The following EPB41 variants were observed in gnomAD, a reference collection of about 807,000 sequenced individuals.
EPB41 encodes the protein erythrocyte membrane protein band 4.1.
In EPB41, 65 loss-of-function variants were observed where a neutral mutation model predicts 108.0. The ratio of observed to expected loss-of-function variants is 0.60; its 90% CI spans 0.49 to 0.74. The LOEUF is 0.74. EPB41 is among the 30% of genes least tolerant of loss of function. The probability of loss-of-function intolerance (pLI) is 0.00; values close to 1 mark genes in which losing one functional copy is unlikely to be tolerated. For synonymous variants in EPB41, 336 were observed against 358.9 expected (o/e 0.94, Z 0.72); for missense variants, 875 against 1,037.0 (o/e 0.84, Z 2.15).
chr1:28,974,956 G>A (rs555955052), intron 1 of EPB41, among the ~76,000 whole-genome samples: 26 of 152,120 alleles, frequency 1.7e-4, no homozygotes, highest in Non-Finnish European at 2.6e-4. Flanking sequence ...CACCACCCCT[G>A]GCTAATTTTG....
In EPB41 at chr1:29,097,850, C is replaced by T. The variant is rs776025421; in HGVS notation, c.2228C>T (p.Ala743Val). 5.6e-6 allele frequency: 9 copies of T among 1,613,748 alleles called. No individual in the cohort carries two copies. In the African/African-American group the frequency reaches 8.0e-5, roughly 14 times the overall value. The part of the protein sequence containing the change: ...KTQTVTISDN[A>V]NAVKSEIPTK... Reference sequence around the variant, plus strand: ...CAAACTGTCACCATCTCAGATAATGCCAATGCTGTGAAAAGTGAAATCCCA... The same window carrying T: ...CAAACTGTCACCATCTCAGATAATGTCAATGCTGTGAAAAGTGAAATCCCA... The change falls in exon 17 of 21, where the codon GCC becomes GTC. Residue 743 changes from alanine (A) to valine (V), a missense_variant. Coordinates refer to ENST00000343067, the MANE Select transcript of EPB41 (RefSeq NM_001376013.1).
intron 16 of EPB41, among the ~76,000 whole-genome samples, chr1:29,095,561 A>G (rs568247449): frequency 1.2e-4 from 19 of 152,322 alleles, no homozygotes; most frequent in East Asian, 9.6e-4. Context: ...ATGAGAGGCC[A>G]GGAGTTTGAG....
chr1:28,902,490 C>T (rs927188999), intron 1 of EPB41: 2 of 674,002 alleles, frequency 3.0e-6, no homozygotes, highest in African/African-American at 3.9e-5. Context: ...GGAGCAGCTT[C>T]CTCTGGAACT....
rs904517200 is a variant in EPB41, at chr1:29,100,928, C to CA, written c.2313+3004dup. ...TGGGCAACACACCAAGACCCTGTCTCAAAAAAAAAAAGAGGGCCGGGTGCA... is the reference window on the plus strand; with the variant it reads ...TGGGCAACACACCAAGACCCTGTCTCAAAAAAAAAAAAGAGGGCCGGGTGCA... On this transcript the variant is annotated intron_variant, in intron 17 of 20. Coordinates refer to ENST00000343067, the MANE Select transcript of EPB41 (RefSeq NM_001376013.1). Among the ~76,000 whole-genome samples, 759 of 138,070 alleles carry CA rather than the reference C, an allele frequency of 5.5e-3. 6 individuals are homozygous for CA. Among genetic ancestry groups the CA allele is most frequent in the African/African-American group, 0.017 (654 of 37,836 alleles). The allele number at this position is 138,070 out of a possible 152,430, so 90.6% of individuals were successfully genotyped here.
At chr1:28,960,609 G>A (rs2095169028) in intron 1 of EPB41, among the ~76,000 whole-genome samples, 1 of 151,424 alleles carries the variant, frequency 6.6e-6, no homozygotes, top group South Asian at 2.1e-4. Context: ...GCTTAGTGTG[G>A]TGATTTGCTC....
intron 1 of EPB41, among the ~76,000 whole-genome samples, chr1:28,959,391 A>G (rs1226016187): frequency 1.3e-5 from 2 of 151,550 alleles, no homozygotes; most frequent in East Asian, 1.9e-4. Context: ...TAATTTTTCT[A>G]TTTTTAGTAG....
intron 1 of EPB41, among the ~76,000 whole-genome samples, chr1:28,973,614 G>A (rs1183308736): frequency 6.6e-6 from 1 of 152,010 alleles, no homozygotes; most frequent in African/African-American, 2.4e-5. Context: ...AGGCTGGTTT[G>A]GAACTCCTAG....
At chr1:28,985,736 AG>A (rs771464264) in intron 1 of EPB41, 17 of 152,218 alleles carry the variant, frequency 1.1e-4, no homozygotes, top group Non-Finnish European at 2.2e-4. Flanking sequence ...TGGTGCTTAC[AG>A]CTAATTGATC....
chr1:29,027,758 A>T (rs2096739557), intron 7 of EPB41, among the ~76,000 whole-genome samples: 1 of 152,228 alleles, frequency 6.6e-6, no homozygotes, highest in African/African-American at 2.4e-5. Flanking sequence ...AAAAATTTTA[A>T]ATGCAAACAT....
chr1:29,081,084 G>T (rs1417260749), intron 16 of EPB41, among the ~76,000 whole-genome samples: 2 of 152,110 alleles, frequency 1.3e-5, no homozygotes, highest in African/African-American at 4.8e-5. Context: ...ACTCTTCTCT[G>T]TGGCCCAATA....
intron 16 of EPB41, among the ~76,000 whole-genome samples, chr1:29,085,791 A>G (rs1241935976): frequency 6.6e-6 from 1 of 152,136 alleles, no homozygotes; most frequent in Non-Finnish European, 1.5e-5. Context: ...GACTCAAGCA[A>G]TCTGCCCGCC....
At chr1:29,049,053 T>A (rs1284099076) in intron 11 of EPB41, among the ~76,000 whole-genome samples, 1 of 152,120 alleles carries the variant, frequency 6.6e-6, no homozygotes, top group Non-Finnish European at 1.5e-5. Context: ...TTTACAAGAA[T>A]TGCTTTATAA....
At chr1:29,101,169 A>AGCCAACATGGCGCCATTGCACTCT (rs1665246714) in intron 17 of EPB41, among the ~76,000 whole-genome samples, 1 of 152,032 alleles carries the variant, frequency 6.6e-6, no homozygotes, top group Admixed American at 6.5e-5. Context: ...GGTTGCAGTG[A>AGCCAACATGGCGCCATTGCACTCT]GCCAACATGG....
intron 1 of EPB41, among the ~76,000 whole-genome samples, chr1:28,921,721 A>G (rs2093086007): frequency 6.6e-6 from 1 of 151,478 alleles, no homozygotes; most frequent in African/African-American, 2.4e-5. Context: ...ATCATATGAT[A>G]TTGTATATTT....
chr1:28,932,776 G>A (rs1239845819), intron 1 of EPB41, among the ~76,000 whole-genome samples: 1 of 152,080 alleles, frequency 6.6e-6, no homozygotes, highest in Non-Finnish European at 1.5e-5. Flanking sequence ...AAGCAAACTT[G>A]CTCTGTGATA....
intron 1 of EPB41, among the ~76,000 whole-genome samples, chr1:28,917,647 C>T (rs1434530956): frequency 6.6e-6 from 1 of 151,966 alleles, no homozygotes; most frequent in African/African-American, 2.4e-5. Context: ...GTGGCATGAT[C>T]CTGGCTCACT....
At chr1:29,084,026 G>C (rs555725182) in intron 16 of EPB41, among the ~76,000 whole-genome samples, 3 of 3,526 alleles carry the variant, frequency 8.5e-4, no homozygotes, top group African/African-American at 9.6e-4. Context: ...CTTCTGCTGG[G>C]TATCTTCTTC....
chr1:29,056,780 C>T (rs1264534388), intron 12 of EPB41, among the ~76,000 whole-genome samples: 2 of 152,036 alleles, frequency 1.3e-5, no homozygotes, highest in Admixed American at 6.6e-5. Flanking sequence ...CCCACCTCGG[C>T]CTCCCAAAGT....
chr1:28,982,713 A>G, intron 1 of EPB41: 1 of 547,364 alleles, frequency 1.8e-6, no homozygotes, highest in Non-Finnish European at 3.3e-6. Flanking sequence ...GACTGCAGTT[A>G]TATAAGCTAT....
Sources: gnomAD v4.1 joint callset for allele counts (sites outside exome capture counted in the v4.1 genomes callset) on GRCh38, gnomAD v4.1.1 for gene constraint, MANE v1.5 for transcripts, NCBI Gene and HGNC (gene_info 2026-07-23, HGNC 2026-07-21) for gene names.